The following MAP2K5 variants were observed in gnomAD, a reference collection of about 807,000 sequenced individuals.
MAP2K5 encodes the protein dual specificity mitogen-activated protein kinase kinase 5.
In MAP2K5, 49 loss-of-function variants were observed where a neutral mutation model predicts 83.1. The observed-to-expected ratio is 0.59, with a 90% confidence interval of 0.47 to 0.75. The LOEUF (loss-of-function observed/expected upper bound fraction) is 0.75, where lower values mean the gene tolerates loss of function less well. Among genes scored for constraint, MAP2K5 ranks in the 30% least tolerant of loss-of-function variants. The pLI is 0.00. For synonymous variants in MAP2K5, 202 were observed against 191.8 expected, an observed-to-expected ratio of 1.05 and a Z score of -0.44; for missense variants, 457 against 557.5, an observed-to-expected ratio of 0.82 and a Z score of 1.82.
At chr15:67,617,637 C>G (rs1008191773) in intron 8 of MAP2K5, among the ~76,000 whole-genome samples, 2 of 152,050 alleles carry the variant, frequency 1.3e-5, no homozygotes, top group Admixed American at 1.3e-4. Flanking sequence ...GGTTGTTTCT[C>G]CCTTCTGTCT....
intron 8 of MAP2K5, among the ~76,000 whole-genome samples, chr15:67,626,146 G>A (rs1210763465): frequency 6.6e-6 from 1 of 152,142 alleles, no homozygotes; most frequent in African/African-American, 2.4e-5. Flanking sequence ...GTGATGTGGA[G>A]GGGGAAAAAT....
chr15:67,679,352 C>T (rs554433786), intron 13 of MAP2K5, among the ~76,000 whole-genome samples: 9 of 152,134 alleles, frequency 5.9e-5, no homozygotes, highest in East Asian at 5.8e-4. Context: ...TGTCTCAACA[C>T]GATACCAATT....
chr15:67,733,639 C>A lies in MAP2K5; in HGVS notation c.1074+5694C>A, dbSNP rs76092950. Among the ~76,000 whole-genome samples, 12 of 152,254 alleles carry A rather than the reference C, an allele frequency of 7.9e-5. No individual in the cohort carries two copies. In the East Asian group the frequency reaches 2.3e-3, roughly 29 times the overall value. On this transcript the variant is annotated intron_variant, in intron 17 of 21. Coordinates refer to ENST00000178640, the MANE Select transcript of MAP2K5 (RefSeq NM_145160.3). ...TCATTTATTCTGCCAGCTTTTGCCA[C>A]CAGTGTACAAAATAGAGATCTACTT...
chr15:67,728,084 C>A, intron 17 of MAP2K5, 139 bp downstream of exon 17: 1 of 756,546 alleles, frequency 1.3e-6, no homozygotes, highest in Non-Finnish European at 2.3e-6. Context: ...TTAAAGGGTT[C>A]ATTTAGAAAT....
At chr15:67,706,790 T>C (rs1264216647) in intron 16 of MAP2K5, among the ~76,000 whole-genome samples, 1 of 152,174 alleles carries the variant, frequency 6.6e-6, no homozygotes, top group African/African-American at 2.4e-5. Context: ...ATGTTTTATA[T>C]ACCTAATCTA....
At chr15:67,611,823 C>T (rs1385614316) in intron 8 of MAP2K5, among the ~76,000 whole-genome samples, 3 of 152,150 alleles carry the variant, frequency 2.0e-5, no homozygotes, top group African/African-American at 7.2e-5. Flanking sequence ...TATATGCAAA[C>T]CTAAGAATTT....
In MAP2K5 at chr15:67,640,239, T is replaced by C. The variant is rs1234212847; in HGVS notation, c.586-5992T>C. 6.6e-6 allele frequency among the ~76,000 whole-genome samples: 1 copy of C among 152,238 alleles called. No homozygotes were observed. The highest frequency in any genetic ancestry group is 1.5e-5 in the Non-Finnish European group (1 of 68,036). On this transcript the variant is annotated intron_variant, in intron 9 of 21. Coordinates refer to ENST00000178640, the MANE Select transcript of MAP2K5 (RefSeq NM_145160.3). The surrounding 1 kb of genome is among the most constrained non-coding windows in gnomAD (Gnocchi z 4.6). ...TGACTGAGTGAATAAATTTTTGTTC[T>C]TCTGTTTGTTCTTTAGTTCATTCAT...
chr15:67,626,825 G>A (rs988251891), intron 8 of MAP2K5, among the ~76,000 whole-genome samples: 1 of 151,862 alleles, frequency 6.6e-6, no homozygotes, highest in Non-Finnish European at 1.5e-5. Context: ...GCTTGAGCCC[G>A]GGAGTTCAAG....
chr15:67,628,842 A>T (rs186856035), intron 8 of MAP2K5: 127 of 748,872 alleles, frequency 1.7e-4, no homozygotes, highest in East Asian at 7.6e-4. Flanking sequence ...TTCAGTGGTC[A>T]TGGTGGCTTT....
In MAP2K5 at chr15:67,786,555, G is replaced by A. The variant is rs1366960179; in HGVS notation, c.1242+13803G>A. ...AGAGAAGGTAGATGAGTGCCAAGCT[G>A]CTGGCTTGGGTGGTGCGGGAGCTCG... On this transcript the variant is annotated intron_variant, in intron 21 of 21. Coordinates refer to ENST00000178640, the MANE Select transcript of MAP2K5 (RefSeq NM_145160.3). This position sits in a 1 kb window ranked among gnomAD's most constrained non-coding sequence, Gnocchi z 4.7. Among the ~76,000 whole-genome samples the A allele has an allele frequency of 6.6e-6, 1 of 152,238 alleles. No homozygotes were observed. The highest frequency in any genetic ancestry group is 1.5e-5 in the Non-Finnish European group (1 of 68,044).
At chr15:67,685,939 A>G (rs912957359) in intron 13 of MAP2K5, among the ~76,000 whole-genome samples, 4 of 152,248 alleles carry the variant, frequency 2.6e-5, no homozygotes, top group African/African-American at 9.6e-5. Flanking sequence ...AGTAGTTACA[A>G]CAAAAAGCTT....
chr15:67,743,943 T>C (rs146543019), intron 17 of MAP2K5, among the ~76,000 whole-genome samples: 25 of 152,284 alleles, frequency 1.6e-4, no homozygotes, highest in African/African-American at 6.0e-4. Flanking sequence ...GGGGTCTTTC[T>C]TACTCCAAAG....
chr15:67,699,970 T>A (rs190678825), intron 15 of MAP2K5, among the ~76,000 whole-genome samples: 16 of 140,912 alleles, frequency 1.1e-4, no homozygotes, highest in Non-Finnish European at 7.7e-5. Context: ...CTTGCCAATG[T>A]AAAAAAAAAA....
At chr15:67,585,853 C>G in intron 4 of MAP2K5, 37 bp from the exon 5 acceptor site, 1 of 1,593,362 alleles carries the variant, frequency 6.3e-7, no homozygotes, top group Non-Finnish European at 8.6e-7. Context: ...GTAAATGGCC[C>G]TGATGTGTTC....
intron 8 of MAP2K5, among the ~76,000 whole-genome samples, chr15:67,619,435 C>T (rs1413845468): frequency 6.6e-6 from 1 of 152,094 alleles, no homozygotes; most frequent in Non-Finnish European, 1.5e-5. Context: ...TAGCTTATTG[C>T]CTGGCAATCA....
At chr15:67,600,261 C>A (rs1327406356) in intron 7 of MAP2K5, among the ~76,000 whole-genome samples, 2 of 152,054 alleles carry the variant, frequency 1.3e-5, no homozygotes, top group African/African-American at 4.8e-5. Flanking sequence ...TTTTCTAGGG[C>A]TGATTTATTT....
In MAP2K5 at chr15:67,543,392, TC is replaced by T. The variant is rs1254782506; in HGVS notation, c.58del (p.Arg20AlafsTer28). On this transcript the variant is annotated frameshift_variant, in exon 1 of 22. Transcript: ENST00000178640. LOFTEE classifies it high-confidence loss of function. The surrounding 1 kb of genome is among the most constrained non-coding windows in gnomAD (Gnocchi z 4.3). ...CCATGGAGAACCAGGTGCTGGTAAT[TC>T]GCATCAAGATCCCAAATAGTGGCGC... Reference protein sequence around the residue: ...PAMENQVLVIRIKIPNSGAVD... With the variant: ...PAMENQVLVIXIKIPNSGAVD... 6.2e-7 allele frequency: 1 copy of T among 1,614,032 alleles called. No individual in the cohort carries two copies. Among genetic ancestry groups the T allele is most frequent in the African/African-American group, 1.3e-5 (1 of 74,910 alleles).
intron 17 of MAP2K5, among the ~76,000 whole-genome samples, chr15:67,741,087 G>A (rs1450732505): frequency 6.6e-6 from 1 of 151,648 alleles, no homozygotes; most frequent in Non-Finnish European, 1.5e-5. Flanking sequence ...TCGGCTGTCT[G>A]GTGTATCAGG....
At chr15:67,627,965 A>C in intron 8 of MAP2K5, 1 of 767,122 alleles carries the variant, frequency 1.3e-6, no homozygotes, top group South Asian at 1.3e-5. Context: ...GCAATGGGGA[A>C]CACTCACAGA....
Sources: allele counts gnomAD v4.1 joint callset (sites outside exome capture counted in the v4.1 genomes callset), GRCh38; gene constraint gnomAD v4.1.1; non-coding constraint Gnocchi (gnomAD v3.1); transcripts MANE v1.5; gene names NCBI Gene and HGNC (gene_info 2026-07-23, HGNC 2026-07-21).